The following PREX2 variants were observed in gnomAD, a reference collection of about 807,000 sequenced individuals.
The protein encoded by PREX2 is phosphatidylinositol-3,4,5-trisphosphate dependent Rac exchange factor 2, also known as phosphatidylinositol 3,4,5-trisphosphate-dependent Rac exchanger 2 protein.
PREX2 carries 107 observed loss-of-function variants against 203.2 expected under a neutral mutation model. The observed-to-expected ratio is 0.53, with a 90% CI of 0.45 to 0.62. The LOEUF (loss-of-function observed/expected upper bound fraction) is 0.62. PREX2 is among the 20% of genes least tolerant of loss of function. The probability of loss-of-function intolerance (pLI) is 0.00; values close to 1 mark genes in which losing one functional copy is unlikely to be tolerated. For missense variants in PREX2, 1,777 were observed against 1,955.9 expected (o/e 0.91, Z 1.72); for synonymous variants, 672 against 663.6 (o/e 1.01, Z -0.19).
chr8:68,069,981 GT>G (rs1336851799), intron 13 of PREX2, 97 bp downstream of exon 13: 18 of 604,486 alleles, frequency 3.0e-5, no homozygotes, highest in South Asian at 8.2e-5. Context: ...GGCTTATTTT[GT>G]TTTTTTTCAC....
At position 68,071,071 on chromosome 8, in the gene PREX2, T is replaced by A. The variant is rs548769261; in HGVS notation, c.1493+1187T>A. 2.6e-5 allele frequency among the ~76,000 whole-genome samples: 4 copies of A among 152,288 alleles called. No individual in the cohort carries two copies. In the East Asian group the frequency reaches 7.7e-4, roughly 29 times the overall value. Reference sequence around the variant, plus strand: ...CTGCTAAACTAAGATAAAACAATAATGTTTAATGTACCATGTAACCTGTGT... The same window carrying A: ...CTGCTAAACTAAGATAAAACAATAAAGTTTAATGTACCATGTAACCTGTGT... On this transcript the variant is annotated intron_variant, in intron 13 of 39. Coordinates refer to ENST00000288368, the MANE Select transcript of PREX2 (RefSeq NM_024870.4).
chr8:67,988,261 A>G (rs1806494496), intron 1 of PREX2, among the ~76,000 whole-genome samples: 1 of 152,204 alleles, frequency 6.6e-6, no homozygotes, highest in South Asian at 2.1e-4. Flanking sequence ...TGATAGTGGT[A>G]AGAAGTTGAG....
rs3056653 is a variant in PREX2, at chr8:68,047,469, TTATATATATATATATA to T, written c.943+2902_943+2917del. ...GTTATAAATAATAAAATGGATGAAT[TTATATATATATATATA>T]TATATATATATATATATATATACAC... On this transcript the variant is annotated intron_variant, in intron 8 of 39. Coordinates refer to ENST00000288368, the MANE Select transcript of PREX2 (RefSeq NM_024870.4). Among the ~76,000 whole-genome samples, 456 of 117,606 alleles carry T rather than the reference TTATATATATATATATA, an allele frequency of 3.9e-3. 3 individuals carry two copies. The highest frequency in any genetic ancestry group is 7.6e-3 in the Admixed American group (86 of 11,298). 77.2% of individuals were successfully genotyped at this position (117,606 alleles called of 152,430 possible).
At chr8:68,129,177 C>G (rs1293294014) in intron 31 of PREX2, among the ~76,000 whole-genome samples, 1 of 152,122 alleles carries the variant, frequency 6.6e-6, no homozygotes, top group Non-Finnish European at 1.5e-5. Flanking sequence ...GTTGGAGCAT[C>G]TAGAAGGTTA....
At position 68,134,098 on chromosome 8, in the gene PREX2, A is replaced by G. The variant is rs760041372; in HGVS notation, c.3806A>G (p.Gln1269Arg). Residue 1269 changes from glutamine to arginine, a missense_variant, in exon 32 of 40, where the codon CAG (glutamine) becomes CGG (arginine). By Grantham distance (43) the Gln-to-Arg change is conservative. Coordinates refer to ENST00000288368, the MANE Select transcript of PREX2 (RefSeq NM_024870.4). ...CTCCGTAGAGACATGGTTTTCTGCCAGACTCTTGTGGCCACTGTCTGTGCC... is the reference window on the plus strand; with the variant it reads ...CTCCGTAGAGACATGGTTTTCTGCCGGACTCTTGTGGCCACTGTCTGTGCC... ...TQLRRDMVFC[Q>R]TLVATVCAFS... The G allele has an allele frequency of 6.2e-7, 1 of 1,614,172 alleles. No individual in the cohort carries two copies. The highest frequency in any genetic ancestry group is 2.2e-5 in the East Asian group (1 of 44,876).
intron 8 of PREX2, among the ~76,000 whole-genome samples, chr8:68,048,561 A>G (rs1052060811): frequency 4.6e-5 from 7 of 152,168 alleles, no homozygotes; most frequent in African/African-American, 1.7e-4. Context: ...ATTTGAAACT[A>G]TTCTAATATG....
At chr8:68,172,519 A>G (rs1247259474) in intron 35 of PREX2, among the ~76,000 whole-genome samples, 1 of 152,230 alleles carries the variant, frequency 6.6e-6, no homozygotes, top group Admixed American at 6.5e-5. Context: ...AATATGTGAA[A>G]CAAATTATGT....
intron 1 of PREX2, among the ~76,000 whole-genome samples, chr8:67,957,254 G>A (rs1037648788): frequency 6.6e-5 from 10 of 152,018 alleles, no homozygotes; most frequent in African/African-American, 2.4e-4. Context: ...TCTTATAAAT[G>A]CTCATTAGTT....
intron 1 of PREX2, among the ~76,000 whole-genome samples, chr8:68,013,877 T>C (rs1173047248): frequency 6.6e-6 from 1 of 152,152 alleles, no homozygotes; most frequent in Non-Finnish European, 1.5e-5. Flanking sequence ...GTTGGAGTAA[T>C]AAGGTTTAGT....
chr8:68,148,516 T>C (rs1811371890), intron 34 of PREX2, among the ~76,000 whole-genome samples: 1 of 152,246 alleles, frequency 6.6e-6, no homozygotes, highest in South Asian at 2.1e-4. Flanking sequence ...AGCTGAATAA[T>C]CATATCCAAC....
intron 37 of PREX2, among the ~76,000 whole-genome samples, chr8:68,193,632 C>T (rs530239550): frequency 6.6e-6 from 1 of 152,176 alleles, no homozygotes; most frequent in Admixed American, 6.5e-5. Flanking sequence ...AGTACACACA[C>T]ATACAACCCA....
chr8:68,214,734 C>T (rs1812800781), intron 37 of PREX2, among the ~76,000 whole-genome samples: 1 of 152,116 alleles, frequency 6.6e-6, no homozygotes, highest in Non-Finnish European at 1.5e-5. Flanking sequence ...GGCAGCATTC[C>T]TGAGAGGCTT....
intron 11 of PREX2, 87 bp downstream of exon 11, chr8:68,060,866 C>T: frequency 1.2e-6 from 1 of 856,224 alleles, no homozygotes; most frequent in Non-Finnish European, 1.8e-6. Context: ...TTTACAATTC[C>T]CCACATTATA....
chr8:68,098,202 T>G (rs1585789054), intron 22 of PREX2, among the ~76,000 whole-genome samples: 1 of 152,208 alleles, frequency 6.6e-6, no homozygotes, highest in East Asian at 1.9e-4. Flanking sequence ...CTGCTCTATA[T>G]TCTATGAGAA....
At chr8:68,028,527 C>G (rs1245648963) in intron 5 of PREX2, among the ~76,000 whole-genome samples, 1 of 151,928 alleles carries the variant, frequency 6.6e-6, no homozygotes, top group Non-Finnish European at 1.5e-5. Context: ...AATTGGGTAT[C>G]TGCGTAAATT....
intron 26 of PREX2, 82 bp downstream of exon 26, chr8:68,116,014 T>G: frequency 8.2e-7 from 1 of 1,225,664 alleles, no homozygotes; most frequent in Non-Finnish European, 1.1e-6. Flanking sequence ...TTGAAAAAAG[T>G]TTTTGATTGT....
intron 37 of PREX2, among the ~76,000 whole-genome samples, chr8:68,213,946 A>G (rs1405146452): frequency 6.6e-6 from 1 of 152,226 alleles, no homozygotes; most frequent in African/African-American, 2.4e-5. Flanking sequence ...TTCTAGGGAA[A>G]GAATTGTGTG....
chr8:68,199,047 G>C (rs1312383806), intron 37 of PREX2, among the ~76,000 whole-genome samples: 2 of 152,094 alleles, frequency 1.3e-5, no homozygotes, highest in African/African-American at 4.8e-5. Flanking sequence ...CAGGAAACAG[G>C]GTCCTGGATT....
At chr8:68,135,139 A>T (rs1811090631) in intron 32 of PREX2, among the ~76,000 whole-genome samples, 1 of 106,712 alleles carries the variant, frequency 9.4e-6, no homozygotes, top group Non-Finnish European at 2.2e-5. Flanking sequence ...TACATATGAT[A>T]GGAAGCCTAC....
Sources: allele counts gnomAD v4.1 joint callset (sites outside exome capture counted in the v4.1 genomes callset), GRCh38; gene constraint gnomAD v4.1.1; transcripts MANE v1.5; gene names NCBI Gene and HGNC (gene_info 2026-07-23, HGNC 2026-07-21).